CADM2: variants seen among roughly 807,000 people sequenced by gnomAD.
The protein encoded by CADM2 is cell adhesion molecule 2.
In CADM2, 12 loss-of-function variants were observed where a neutral mutation model predicts 49.8. The ratio of observed to expected loss-of-function variants is 0.24; its 90% CI spans 0.15 to 0.39. CADM2 has a LOEUF of 0.39. Ranked by LOEUF, CADM2 falls within the 10% of genes least tolerant of loss-of-function variation. The pLI, the probability that CADM2 is intolerant of heterozygous loss-of-function variation, is 1.00. For missense variants in CADM2, 378 were observed against 492.3 expected (o/e 0.77, Z 2.20); for synonymous variants, 214 against 175.4 (o/e 1.22, Z -1.74).
chr3:84,960,639 G>A (rs770187529), intron 1 of CADM2, among the ~76,000 whole-genome samples: 1 of 152,136 alleles, frequency 6.6e-6, no homozygotes, highest in Non-Finnish European at 1.5e-5. Flanking sequence ...CTCTGCGACC[G>A]CAGCAGTGGA....
chr3:85,446,410 C>T (rs1355926439), intron 1 of CADM2, among the ~76,000 whole-genome samples: 1 of 152,068 alleles, frequency 6.6e-6, no homozygotes, highest in Non-Finnish European at 1.5e-5. Context: ...AGCATCTTTC[C>T]GAATGATGAG....
At chr3:86,006,505 A>T (rs1730809022) in intron 8 of CADM2, among the ~76,000 whole-genome samples, 1 of 152,182 alleles carries the variant, frequency 6.6e-6, no homozygotes, top group South Asian at 2.1e-4. Flanking sequence ...GCTAGAGGGT[A>T]ATAAATGAAA....
chr3:85,539,704 A>G (rs954456425), intron 1 of CADM2, among the ~76,000 whole-genome samples: 1 of 152,058 alleles, frequency 6.6e-6, no homozygotes, highest in Non-Finnish European at 1.5e-5. Context: ...TAGAAATGCA[A>G]TGGATTGGGT....
chr3:85,359,668 T>TATATA (rs1559799260), intron 1 of CADM2, among the ~76,000 whole-genome samples: 1 of 22,432 alleles, frequency 4.5e-5, no homozygotes, highest in African/African-American at 1.4e-4. Context: ...ATATATATAT[T>TATATA]TTTTTTTTTG....
chr3:85,839,534 G>A (rs1182186086), intron 3 of CADM2, among the ~76,000 whole-genome samples: 2 of 151,712 alleles, frequency 1.3e-5, no homozygotes, highest in African/African-American at 4.8e-5. Flanking sequence ...CTACTCTGCT[G>A]CCTACGATAG....
At chr3:85,899,321 A>G (rs1202999038) in intron 5 of CADM2, among the ~76,000 whole-genome samples, 1 of 151,998 alleles carries the variant, frequency 6.6e-6, no homozygotes, top group Non-Finnish European at 1.5e-5. Context: ...TATGTGAGAA[A>G]TTTTTATCTA....
intron 1 of CADM2, among the ~76,000 whole-genome samples, chr3:85,009,221 C>T (rs2033874660): frequency 6.6e-6 from 1 of 152,020 alleles, no homozygotes; most frequent in Admixed American, 6.6e-5. Context: ...TTAATTCCTC[C>T]CTGCAAATTC....
At chr3:86,042,925 A>G (rs1328636602) in intron 8 of CADM2, among the ~76,000 whole-genome samples, 2 of 152,218 alleles carry the variant, frequency 1.3e-5, no homozygotes, top group Admixed American at 6.5e-5. Flanking sequence ...CTGGTTCAAC[A>G]TATGCAAATC....
chr3:85,200,879 T>G (rs1216792611), intron 1 of CADM2, among the ~76,000 whole-genome samples: 1 of 152,188 alleles, frequency 6.6e-6, no homozygotes, highest in Non-Finnish European at 1.5e-5. Flanking sequence ...TTCTTTCCAT[T>G]TATGCCTAAT....
chr3:85,515,631 A>ATATTTTTT (rs1159969286), intron 1 of CADM2, among the ~76,000 whole-genome samples: 1 of 118,426 alleles, frequency 8.4e-6, no homozygotes, highest in African/African-American at 3.4e-5. Context: ...ATATATATAT[A>ATATTTTTT]TTTTTTTTTT....
chr3:85,101,455 C>T (rs2038009649), intron 1 of CADM2, among the ~76,000 whole-genome samples: 2 of 152,046 alleles, frequency 1.3e-5, no homozygotes, highest in African/African-American at 4.8e-5. Context: ...ACTTACATTT[C>T]TTAAAATGTG....
chr3:85,076,809 T>G (rs936032038), intron 1 of CADM2, among the ~76,000 whole-genome samples: 1 of 151,862 alleles, frequency 6.6e-6, no homozygotes. Context: ...CCATCTGTAC[T>G]AAAAATACAA....
intron 1 of CADM2, among the ~76,000 whole-genome samples, chr3:84,988,405 C>T (rs534913981): frequency 1.3e-5 from 2 of 152,332 alleles, no homozygotes; most frequent in East Asian, 3.9e-4. Flanking sequence ...GGAAATGCTT[C>T]TGTGTTTATA....
intron 1 of CADM2, among the ~76,000 whole-genome samples, chr3:85,519,320 T>C (rs1319855263): frequency 6.6e-6 from 1 of 152,164 alleles, no homozygotes; most frequent in Non-Finnish European, 1.5e-5. Flanking sequence ...ACTTGAGCGA[T>C]ATATTTCCCT....
At chr3:85,064,970 A>G (rs1349251300) in intron 1 of CADM2, among the ~76,000 whole-genome samples, 1 of 152,158 alleles carries the variant, frequency 6.6e-6, no homozygotes, top group Non-Finnish European at 1.5e-5. Context: ...ATCTTATCAC[A>G]ATATCTGTTG....
chr3:85,274,333 A>G (rs757229615), intron 1 of CADM2, among the ~76,000 whole-genome samples: 8 of 151,512 alleles, frequency 5.3e-5, no homozygotes, highest in Non-Finnish European at 8.9e-5. Context: ...AAAATGTACT[A>G]AAGAGAGATG....
intron 1 of CADM2, among the ~76,000 whole-genome samples, chr3:84,991,902 G>C (rs77942331): frequency 6.6e-6 from 1 of 152,106 alleles, no homozygotes; most frequent in Non-Finnish European, 1.5e-5. Flanking sequence ...ATCTGAAAAG[G>C]CTACACATTG....
intron 1 of CADM2, among the ~76,000 whole-genome samples, chr3:85,025,208 C>T (rs1371278638): frequency 6.6e-6 from 1 of 152,004 alleles, no homozygotes; most frequent in East Asian, 1.9e-4. Context: ...TTTCATGTTC[C>T]AGTTGAGTTA....
intron 1 of CADM2, among the ~76,000 whole-genome samples, chr3:85,263,220 T>G (rs1043262148): frequency 7.2e-4 from 110 of 151,984 alleles, no homozygotes; most frequent in Non-Finnish European, 4.9e-4. Flanking sequence ...TCTCCAATCC[T>G]GAGCTCAAGT....
Sources: allele counts gnomAD v4.1 joint callset (sites outside exome capture counted in the v4.1 genomes callset), GRCh38; gene constraint gnomAD v4.1.1; transcripts MANE v1.5; gene names NCBI Gene and HGNC (gene_info 2026-07-23, HGNC 2026-07-21).